Variants in SMARCA2 observed in about 807,000 individuals in gnomAD.
The protein encoded by SMARCA2 is SWI/SNF-related matrix-associated actin-dependent regulator of chromatin subfamily A member 2.
Under a neutral mutation model 199.8 loss-of-function variants are expected in SMARCA2, and 61 were observed. The ratio of observed to expected loss-of-function variants is 0.31; its 90% confidence interval spans 0.25 to 0.38. The LOEUF is 0.38. SMARCA2 is among the 10% of genes least tolerant of loss of function. The pLI, the probability that SMARCA2 is intolerant of heterozygous loss-of-function variation, is 1.00. For synonymous variants in SMARCA2, 935 were observed against 732.0 expected (o/e 1.28, Z -4.48); for missense variants, 1,344 against 2,012.2 (o/e 0.67, Z 6.35).
chr9:2,124,957 C>G (rs1823624140), intron 27 of SMARCA2, among the ~76,000 whole-genome samples: 1 of 152,148 alleles, frequency 6.6e-6, no homozygotes, highest in African/African-American at 2.4e-5. Flanking sequence ...CCAAGCAAAA[C>G]AAAAGCTTTG....
At chr9:2,154,801 G>C (rs1300047233) in intron 27 of SMARCA2, among the ~76,000 whole-genome samples, 1 of 152,174 alleles carries the variant, frequency 6.6e-6, no homozygotes, top group African/African-American at 2.4e-5. Context: ...AACTATATTA[G>C]TTTGTTACCC....
At chr9:2,065,818 G>A (rs910284650) in intron 9 of SMARCA2, among the ~76,000 whole-genome samples, 6 of 152,148 alleles carry the variant, frequency 3.9e-5, no homozygotes, top group African/African-American at 1.2e-4. Flanking sequence ...TTGAGTGTAG[G>A]AACTATTGTA....
At chr9:2,055,282 A>G (rs1820301676) in intron 6 of SMARCA2, among the ~76,000 whole-genome samples, 1 of 152,274 alleles carries the variant, frequency 6.6e-6, no homozygotes, top group Non-Finnish European at 1.5e-5. Context: ...TCAGTAAATT[A>G]TCTGCTCTTG....
chr9:2,109,313 G>A (rs1822887776), intron 23 of SMARCA2, among the ~76,000 whole-genome samples: 1 of 152,014 alleles, frequency 6.6e-6, no homozygotes, highest in Non-Finnish European at 1.5e-5. Flanking sequence ...GGTGAAATAT[G>A]TTCAGATGGA....
intron 26 of SMARCA2, among the ~76,000 whole-genome samples, chr9:2,122,030 AT>A (rs1373779773): frequency 6.6e-6 from 1 of 152,252 alleles, no homozygotes; most frequent in Admixed American, 6.5e-5. Context: ...TTATATTGGT[AT>A]TTTGTGGGTA....
chr9:2,148,384 T>C (rs1475465081), intron 27 of SMARCA2, among the ~76,000 whole-genome samples: 1 of 151,608 alleles, frequency 6.6e-6, no homozygotes, highest in East Asian at 1.9e-4. Flanking sequence ...AGTGAGCCTC[T>C]TAATTTCCTT....
At chr9:2,128,413 C>G (rs1444841463) in intron 27 of SMARCA2, among the ~76,000 whole-genome samples, 2 of 152,192 alleles carry the variant, frequency 1.3e-5, no homozygotes, top group African/African-American at 2.4e-5. Context: ...CCTCTTTGGC[C>G]TCATGGTGCT....
At chr9:2,147,383 AAT>A (rs1427055490) in intron 27 of SMARCA2, among the ~76,000 whole-genome samples, 1 of 152,210 alleles carries the variant, frequency 6.6e-6, no homozygotes, top group African/African-American at 2.4e-5. Flanking sequence ...GTGAGAAAAT[AAT>A]ATGTCACTTA....
At chr9:2,099,050 TG>T (rs1394857670) in intron 21 of SMARCA2, among the ~76,000 whole-genome samples, 4 of 152,146 alleles carry the variant, frequency 2.6e-5, no homozygotes, top group South Asian at 4.1e-4. Context: ...AACTGTGAAC[TG>T]GGGTAAGTCA....
intron 19 of SMARCA2, among the ~76,000 whole-genome samples, chr9:2,092,887 C>CCAT (rs1822120794): frequency 1.3e-5 from 2 of 152,166 alleles, no homozygotes; most frequent in South Asian, 4.1e-4. Flanking sequence ...TAAACAGATG[C>CCAT]CATCACATTT....
chr9:2,176,192 T>TTTTTTTTTTTTTGTTTTTTTTTTTTTTG (rs1826589560), intron 29 of SMARCA2, among the ~76,000 whole-genome samples: 1 of 150,306 alleles, frequency 6.7e-6, no homozygotes, highest in African/African-American at 2.5e-5. Flanking sequence ...GTTTTTTTTT[T>TTTTTTTTTTTTTGTTTTTTTTTTTTTTG]TTTTTTTTTT....
chr9:2,109,141 A>G (rs1822880767), intron 23 of SMARCA2, among the ~76,000 whole-genome samples: 1 of 152,312 alleles, frequency 6.6e-6, no homozygotes, highest in African/African-American at 2.4e-5. Flanking sequence ...AAATGTTTTA[A>G]TCCTCTGAAA....
intron 19 of SMARCA2, among the ~76,000 whole-genome samples, chr9:2,092,243 A>G (rs190113983): frequency 1.4e-4 from 21 of 152,342 alleles, no homozygotes; most frequent in Non-Finnish European, 2.8e-4. Flanking sequence ...TAAAATATGT[A>G]TATAATATCT....
intron 14 of SMARCA2, among the ~76,000 whole-genome samples, chr9:2,079,553 A>T (rs1296704759): frequency 6.6e-6 from 1 of 152,212 alleles, no homozygotes; most frequent in Non-Finnish European, 1.5e-5. Context: ...ATGACAAGTA[A>T]TGCCTTAGTA....
chr9:2,075,439 A>C (rs914238142), intron 12 of SMARCA2: 1 of 152,276 alleles, frequency 6.6e-6, no homozygotes, highest in Non-Finnish European at 1.5e-5. Context: ...TGATGCTTTC[A>C]AATGGGTCAG....
chr9:2,149,424 G>A (rs1441115442), intron 27 of SMARCA2, among the ~76,000 whole-genome samples: 1 of 151,442 alleles, frequency 6.6e-6, no homozygotes, highest in Non-Finnish European at 1.5e-5. Flanking sequence ...GGAGGCTGAG[G>A]CAGGAGAATT....
chr9:2,061,285 C>A (rs967237009), intron 9 of SMARCA2, among the ~76,000 whole-genome samples: 3 of 152,072 alleles, frequency 2.0e-5, no homozygotes, highest in African/African-American at 4.8e-5. Flanking sequence ...GAAAAACAGA[C>A]ACAAATAAGT....
chr9:2,158,999 C>G (rs750331670), intron 27 of SMARCA2: 1 of 1,610,964 alleles, frequency 6.2e-7, no homozygotes, highest in South Asian at 1.1e-5. Context: ...TGTGTGTTTC[C>G]TTGTAATTCC....
chr9:2,081,317 G>A (rs1821557517), intron 14 of SMARCA2, among the ~76,000 whole-genome samples: 1 of 152,190 alleles, frequency 6.6e-6, no homozygotes, highest in African/African-American at 2.4e-5. Context: ...CCCATGTGCT[G>A]TCTGGGAACT....
Sources: gnomAD v4.1 joint callset for allele counts (sites outside exome capture counted in the v4.1 genomes callset) on GRCh38, gnomAD v4.1.1 for gene constraint, MANE v1.5 for transcripts, NCBI Gene and HGNC (gene_info 2026-07-23, HGNC 2026-07-21) for gene names.